The following PLD5 variants were observed in gnomAD, a reference collection of about 807,000 sequenced individuals.
PLD5 encodes phospholipase D family member 5, also known as inactive phospholipase D5.
A neutral mutation model predicts 61.1 loss-of-function variants in PLD5; 36 were observed. The ratio of observed to expected loss-of-function variants is 0.59; its 90% CI spans 0.45 to 0.78. The LOEUF (loss-of-function observed/expected upper bound fraction) is 0.78. Among genes scored for constraint, PLD5 ranks in the 30% least tolerant of loss-of-function variants. PLD5 has a pLI of 0.00. For synonymous variants in PLD5, 243 were observed against 242.8 expected, an observed-to-expected ratio of 1.00 and a Z score of -0.01; for missense variants, 515 against 644.4, an observed-to-expected ratio of 0.80 and a Z score of 2.17.
intron 4 of PLD5, among the ~76,000 whole-genome samples, chr1:242,230,129 C>T (rs1320143595): frequency 6.6e-6 from 1 of 152,136 alleles, no homozygotes; most frequent in African/African-American, 2.4e-5. Context: ...TTATTCAGCT[C>T]ACAATGTTGA....
chr1:242,243,115 C>T (rs1179289376), intron 4 of PLD5, among the ~76,000 whole-genome samples: 2 of 152,236 alleles, frequency 1.3e-5, no homozygotes, highest in Non-Finnish European at 2.9e-5. Flanking sequence ...GGCTGCCAAA[C>T]AGACAGCTTG....
At position 242,098,066 on chromosome 1, in the gene PLD5, T is replaced by C. The variant is rs535524950; in HGVS notation, c.1354+2602A>G. On this transcript the variant is annotated intron_variant, in intron 9 of 9. Transcript: ENST00000536534. ...AAGATCCTCTTCTCAAGGAGTATCT[T>C]TGTGGCATTCTCTGTATTTCCTGAA... Among the ~76,000 whole-genome samples the C allele has an allele frequency of 5.4e-4, 83 of 152,308 alleles. 3 individuals are homozygous for C. The South Asian group carries it at 0.016, about 30-fold the overall frequency.
chr1:242,353,590 A>G (rs1211503547), intron 1 of PLD5, among the ~76,000 whole-genome samples: 1 of 152,128 alleles, frequency 6.6e-6, no homozygotes, highest in Non-Finnish European at 1.5e-5. Context: ...AAGAATTGCA[A>G]TAAATCTGTA....
chr1:242,332,459 A>T (rs1659242435), intron 2 of PLD5, among the ~76,000 whole-genome samples: 1 of 152,168 alleles, frequency 6.6e-6, no homozygotes, highest in Non-Finnish European at 1.5e-5. Flanking sequence ...GAATTGCCAC[A>T]CTGTCTTCCA....
intron 1 of PLD5, among the ~76,000 whole-genome samples, chr1:242,360,663 G>T (rs747703811): frequency 1.3e-4 from 20 of 151,940 alleles, no homozygotes; most frequent in East Asian, 3.9e-4. Flanking sequence ...GCACTCAATG[G>T]TATGTTAGTG....
intron 5 of PLD5, among the ~76,000 whole-genome samples, chr1:242,156,698 G>A (rs1321226917): frequency 2.0e-5 from 3 of 152,190 alleles, no homozygotes; most frequent in Admixed American, 1.3e-4. Context: ...CTTCTGGCTT[G>A]TAGGGTTTCT....
intron 2 of PLD5, among the ~76,000 whole-genome samples, chr1:242,311,806 CTCTT>C (rs1048079851): frequency 6.6e-6 from 1 of 152,174 alleles, no homozygotes; most frequent in African/African-American, 2.4e-5. Context: ...TCTCTCTGGA[CTCTT>C]TCTCTCTTCT....
At chr1:242,387,795 A>G (rs1662687024) in intron 1 of PLD5, among the ~76,000 whole-genome samples, 1 of 151,052 alleles carries the variant, frequency 6.6e-6, no homozygotes, top group Non-Finnish European at 1.5e-5. Context: ...AGCTGTTTAC[A>G]GGAATTAGAA....
intron 1 of PLD5, among the ~76,000 whole-genome samples, chr1:242,443,387 G>A (rs562513220): frequency 6.6e-6 from 1 of 152,106 alleles, no homozygotes; most frequent in Non-Finnish European, 1.5e-5. Context: ...TTATATCTAT[G>A]TGTAATACAG....
At chr1:242,216,721 A>G (rs1454089975) in intron 5 of PLD5, among the ~76,000 whole-genome samples, 1 of 152,244 alleles carries the variant, frequency 6.6e-6, no homozygotes, top group Non-Finnish European at 1.5e-5. Context: ...CCAAACTGAC[A>G]GGCAAAATAT....
At chr1:242,504,392 C>A (rs1011695957) in intron 1 of PLD5, among the ~76,000 whole-genome samples, 3 of 152,190 alleles carry the variant, frequency 2.0e-5, no homozygotes, top group Non-Finnish European at 4.4e-5. Context: ...CATTAGACTA[C>A]AACATGCATG....
At chr1:242,334,589 G>A (rs1240875621) in intron 2 of PLD5, among the ~76,000 whole-genome samples, 1 of 152,060 alleles carries the variant, frequency 6.6e-6, no homozygotes, top group African/African-American at 2.4e-5. Flanking sequence ...CCCTGACTTG[G>A]CCCTGGGAGC....
At chr1:242,153,645 C>T (rs1459104161) in intron 5 of PLD5, among the ~76,000 whole-genome samples, 2 of 152,110 alleles carry the variant, frequency 1.3e-5, no homozygotes, top group Non-Finnish European at 2.9e-5. Context: ...TCAGGTTTGT[C>T]ACAGATCAGA....
In PLD5 at chr1:242,238,843, G is replaced by A. The variant is rs532509389; in HGVS notation, c.608-18728C>T. Among the ~76,000 whole-genome samples, 8 of 152,260 alleles carry A rather than the reference G, an allele frequency of 5.3e-5. No individual in the cohort carries two copies. In the East Asian group the frequency reaches 1.4e-3, roughly 26 times the overall value. ...GCCTAGCAGGGACCTCAGGGAGAGT[G>A]GTGGGAGCCATAGCAGGCTTTCGTT... On this transcript the variant is annotated intron_variant, in intron 4 of 9. Coordinates refer to ENST00000536534, the MANE Select transcript of PLD5 (RefSeq NM_001372062.1).
rs116422679 is a variant in PLD5 at position 242,369,031 on chromosome 1, G to A, written c.190-20789C>T. Among the ~76,000 whole-genome samples, 67 of 152,026 alleles carry A rather than the reference G, an allele frequency of 4.4e-4. 1 individual carries two copies. Among genetic ancestry groups the A allele is most frequent in the Non-Finnish European group, 7.9e-4 (54 of 67,986 alleles). ...TCTTTCAATAGTCCTAACAAATATG[G>A]GTATAAAGGATAAAACTCAAGACAA... On this transcript the variant is annotated intron_variant, in intron 1 of 9. Transcript: ENST00000536534.
At chr1:242,463,220 C>T (rs1667173347) in intron 1 of PLD5, among the ~76,000 whole-genome samples, 1 of 152,182 alleles carries the variant, frequency 6.6e-6, no homozygotes, top group African/African-American at 2.4e-5. Context: ...ATGATATTGT[C>T]TCTTTCCTCT....
At chr1:242,523,930 T>C (rs1669358927) in intron 1 of PLD5, among the ~76,000 whole-genome samples, 158 bp downstream of exon 1, 1 of 152,166 alleles carries the variant, frequency 6.6e-6, no homozygotes, top group Non-Finnish European at 1.5e-5. Context: ...GGCAAGAAAC[T>C]GCAGGCAGAG....
rs867396879 is a variant in PLD5, at chr1:242,088,865, A to C, written c.*989T>G. Reference sequence around the variant, plus strand: ...AGAAGGTATATTAAATAGCTCTAGAAACGTTTGCTGGCATACTCTTAACAG... The same window carrying C: ...AGAAGGTATATTAAATAGCTCTAGACACGTTTGCTGGCATACTCTTAACAG... On this transcript the variant is annotated 3_prime_UTR_variant, in exon 10 of 10. Transcript: ENST00000536534. 3 of 153,942 alleles carry C rather than the reference A, an allele frequency of 1.9e-5. No homozygotes were observed. Among genetic ancestry groups the C allele is most frequent in the African/African-American group, 7.2e-5 (3 of 41,558 alleles). 9.5% of individuals were successfully genotyped at this position (153,942 alleles called of 1,614,324 possible). A position where few individuals can be genotyped will look rare whatever the true frequency, so the allele number is the denominator to read the frequency against.
At chr1:242,407,926 G>C (rs1664335291) in intron 1 of PLD5, among the ~76,000 whole-genome samples, 4 of 152,082 alleles carry the variant, frequency 2.6e-5, no homozygotes, top group Admixed American at 2.0e-4. Flanking sequence ...ACATATTTTT[G>C]CTGCTTGCTT....
Sources: gnomAD v4.1 joint callset for allele counts (sites outside exome capture counted in the v4.1 genomes callset) on GRCh38, gnomAD v4.1.1 for gene constraint, MANE v1.5 for transcripts, NCBI Gene and HGNC (gene_info 2026-07-23, HGNC 2026-07-21) for gene names.